The following CERS5 variants were observed in gnomAD, a reference collection of about 807,000 sequenced individuals.
The protein encoded by CERS5 is ceramide synthase 5, also known as LAG1 homolog, ceramide synthase 5.
CERS5 carries 37 observed loss-of-function variants against 58.9 expected under a neutral mutation model. That is an observed-to-expected ratio of 0.63 (90% CI 0.48 to 0.83). The LOEUF is 0.83. Ranked by LOEUF, CERS5 falls within the 40% of genes least tolerant of loss-of-function variation. The pLI is 0.00. For synonymous variants in CERS5, 147 were observed against 177.8 expected (o/e 0.83, Z 1.38); for missense variants, 398 against 489.3 (o/e 0.81, Z 1.76).
intron 1 of CERS5, among the ~76,000 whole-genome samples, chr12:50,146,846 CAAAAA>C (rs10714679): frequency 9.5e-6 from 1 of 105,004 alleles, no homozygotes; most frequent in African/African-American, 3.6e-5. Flanking sequence ...GACTCCGTCT[CAAAAA>C]AAAAAAAAAA....
chr12:50,148,946 A>ATATATATATATGTGTGTGTG (rs1420401358), intron 1 of CERS5, among the ~76,000 whole-genome samples: 1 of 103,154 alleles, frequency 9.7e-6, no homozygotes, highest in African/African-American at 4.0e-5. Context: ...ATATATATAT[A>ATATATATATATGTGTGTGTG]TGTGTGTGTG....
At chr12:50,135,308 AGTGTGTGT>A (rs56858635) in intron 8 of CERS5, 6,722 of 168,626 alleles carry the variant, frequency 0.04, 197 homozygotes, top group Middle Eastern at 0.069. Flanking sequence ...GAGAGAGAGG[AGTGTGTGT>A]GTGTGTGTGT....
At chr12:50,144,719 G>T in intron 1 of CERS5, 1 of 1,078,082 alleles carries the variant, frequency 9.3e-7, no homozygotes, top group Non-Finnish European at 1.3e-6. Context: ...GCACTCTATC[G>T]TAGTCTCAGA....
At chr12:50,139,479 T>C (rs1045059590) in intron 4 of CERS5, among the ~76,000 whole-genome samples, 1 of 151,304 alleles carries the variant, frequency 6.6e-6, no homozygotes, top group Admixed American at 6.6e-5. Flanking sequence ...TAAGACCCTG[T>C]CTTTAAAAAA....
chr12:50,157,375 G>A (rs7398567), intron 1 of CERS5, among the ~76,000 whole-genome samples: 99,384 of 150,096 alleles, frequency 0.66, 33,018 homozygotes, highest in East Asian at 0.84. Flanking sequence ...AGGAAAATTA[G>A]AAAAAAAAAC....
chr12:50,144,172 C>T (rs950983752), intron 1 of CERS5, 115 bp from the exon 2 acceptor site: 2 of 642,600 alleles, frequency 3.1e-6, no homozygotes, highest in Non-Finnish European at 5.6e-6. Flanking sequence ...TGCATGTATA[C>T]ATAGTATAAT....
Position 50,129,866 on chromosome 12 carries a change from T to G in CERS5, c.*679A>C, listed in dbSNP as rs201633078. On this transcript the variant is annotated 3_prime_UTR_variant, in exon 10 of 10. Coordinates refer to ENST00000317551, the MANE Select transcript of CERS5 (RefSeq NM_147190.5). Reference sequence around the variant, plus strand: ...CCGTGAACAGCTCACCCAGTGGCTGTTGCCCTCCTCCAGCCCTCAGCTCAC... The same window carrying G: ...CCGTGAACAGCTCACCCAGTGGCTGGTGCCCTCCTCCAGCCCTCAGCTCAC... 1.3e-5 allele frequency: 2 copies of G among 152,238 alleles called. No homozygotes were observed. The highest frequency in any genetic ancestry group is 2.9e-5 in the Non-Finnish European group (2 of 68,132). The allele number at this position is 152,238 out of a possible 1,614,324, so 9.4% of individuals were successfully genotyped here. A position where few individuals can be genotyped will look rare whatever the true frequency, so the allele number is the denominator to read the frequency against.
At chr12:50,133,184 C>G in intron 9 of CERS5, 1 of 1,198,548 alleles carries the variant, frequency 8.3e-7, no homozygotes, top group African/African-American at 1.6e-5. Context: ...TGCAGGAGAT[C>G]ATCAATATCT....
chr12:50,150,858 T>C (rs76382737), intron 1 of CERS5, among the ~76,000 whole-genome samples: 3,090 of 152,104 alleles, frequency 0.02, 110 homozygotes, highest in East Asian at 0.15. Context: ...AGGAAAGAAG[T>C]AGAAATAGCC....
intron 2 of CERS5, 156 bp from the exon 3 acceptor site, chr12:50,143,360 T>C: frequency 1.3e-6 from 1 of 772,660 alleles, no homozygotes; most frequent in Non-Finnish European, 2.1e-6. Context: ...GTAAGAAATT[T>C]TATCTTACAT....
chr12:50,158,841 T>G (rs1938947771), intron 1 of CERS5, among the ~76,000 whole-genome samples: 2 of 152,010 alleles, frequency 1.3e-5, no homozygotes, highest in Admixed American at 6.6e-5. Flanking sequence ...TTACAAGAAA[T>G]CTTGTATTTT....
intron 1 of CERS5, among the ~76,000 whole-genome samples, chr12:50,150,188 C>T (rs991399062): frequency 2.0e-5 from 3 of 152,016 alleles, no homozygotes; most frequent in African/African-American, 4.8e-5. Flanking sequence ...GGTGAGACCC[C>T]GTCTCTACAA....
At chr12:50,155,834 G>A (rs1210466070) in intron 1 of CERS5, among the ~76,000 whole-genome samples, 1 of 151,170 alleles carries the variant, frequency 6.6e-6, no homozygotes, top group Non-Finnish European at 1.5e-5. Flanking sequence ...GGGCATGGTG[G>A]CTCACGCCTG....
intron 1 of CERS5, 111 bp downstream of exon 1, chr12:50,166,990 C>T: frequency 1.1e-6 from 1 of 912,074 alleles, no homozygotes; most frequent in South Asian, 1.8e-5. Context: ...CTCCCCCAGC[C>T]CCTGCTTCCG....
chr12:50,158,060 CAAAAA>C (rs11388385), intron 1 of CERS5, among the ~76,000 whole-genome samples: 8 of 81,370 alleles, frequency 9.8e-5, no homozygotes, highest in South Asian at 4.7e-4. Flanking sequence ...AGACCATGAC[CAAAAA>C]AAAAAAAAAA....
chr12:50,150,204 T>G (rs1332056652), intron 1 of CERS5, among the ~76,000 whole-genome samples: 1 of 151,960 alleles, frequency 6.6e-6, no homozygotes, highest in Admixed American at 6.6e-5. Flanking sequence ...TACAAAAAAT[T>G]TTAAAAATTA....
intron 9 of CERS5, chr12:50,133,763 A>G: frequency 2.0e-6 from 2 of 985,660 alleles, no homozygotes; most frequent in Non-Finnish European, 1.2e-6. Flanking sequence ...TCTTGCGTCT[A>G]AGTCACATCT....
chr12:50,139,316 C>CA (rs1343195133), intron 4 of CERS5, among the ~76,000 whole-genome samples: 2 of 151,816 alleles, frequency 1.3e-5, no homozygotes, highest in East Asian at 3.9e-4. Context: ...CCCATCTCTA[C>CA]AAAAAATACA....
At chr12:50,142,155 C>T (rs770837233) in intron 3 of CERS5, 45 bp from the exon 4 acceptor site, 1 of 1,347,064 alleles carries the variant, frequency 7.4e-7, no homozygotes, top group South Asian at 1.2e-5. Context: ...CCACTCAAAC[C>T]AAAGCCTCTG....
Sources: gnomAD v4.1 joint callset for allele counts (sites outside exome capture counted in the v4.1 genomes callset) on GRCh38, gnomAD v4.1.1 for gene constraint, MANE v1.5 for transcripts, NCBI Gene and HGNC (gene_info 2026-07-23, HGNC 2026-07-21) for gene names.